The following GALNT13 variants were observed in gnomAD, a reference collection of about 807,000 sequenced individuals.
The protein encoded by GALNT13 is polypeptide N-acetylgalactosaminyltransferase 13, also known as UDP-GalNAc:polypeptide N-acetylgalactosaminyltransferase 13.
Under a neutral mutation model 64.2 loss-of-function variants are expected in GALNT13, and 28 were observed. The ratio of observed to expected loss-of-function variants is 0.44; its 90% CI spans 0.32 to 0.60. GALNT13 has a LOEUF of 0.60. Among genes scored for constraint, GALNT13 ranks in the 20% least tolerant of loss-of-function variants. The pLI is 0.05. For synonymous variants in GALNT13, 214 were observed against 224.6 expected, an observed-to-expected ratio of 0.95 and a Z score of 0.42; for missense variants, 577 against 669.8, an observed-to-expected ratio of 0.86 and a Z score of 1.53.
intron 9 of GALNT13, among the ~76,000 whole-genome samples, chr2:154,363,616 T>C (rs1697200923): frequency 6.6e-6 from 1 of 152,234 alleles, no homozygotes; most frequent in African/African-American, 2.4e-5. Flanking sequence ...GAAATGGTTA[T>C]GTCTATATGC....
At chr2:153,792,540 T>A in the GALNT13 span, among the ~76,000 whole-genome samples, 2 of 152,218 alleles carry the variant, frequency 1.3e-5, no homozygotes, top group Admixed American at 1.3e-4. Flanking sequence ...AATTATTTAA[T>A]TTGGGATTAT....
intron 2 of GALNT13, 88 bp from the exon 3 acceptor site, chr2:153,944,306 A>C (rs1209464570): frequency 2.0e-6 from 1 of 495,900 alleles, no homozygotes; most frequent in Non-Finnish European, 3.5e-6. Context: ...TGAGAACATT[A>C]AATAAGTCAT....
the GALNT13 span, among the ~76,000 whole-genome samples, chr2:153,743,928 G>T: frequency 4.6e-4 from 70 of 152,056 alleles, no homozygotes; most frequent in African/African-American, 1.7e-3. Context: ...AGGCCTGTTC[G>T]TCTTCCTGTG....
chr2:153,711,582 G>T, the GALNT13 span, among the ~76,000 whole-genome samples: 2 of 152,240 alleles, frequency 1.3e-5, no homozygotes, highest in Admixed American at 6.5e-5. Flanking sequence ...TGACATGAAA[G>T]CTGTGTATTC....
the GALNT13 span, among the ~76,000 whole-genome samples, chr2:153,630,399 CA>C: frequency 2.1e-5 from 3 of 145,250 alleles, no homozygotes; most frequent in East Asian, 4.2e-4. Flanking sequence ...TTCGCAAGGA[CA>C]AAAAAACAAA....
intron 4 of GALNT13, among the ~76,000 whole-genome samples, chr2:154,167,912 TGCAGTGTAAGA>T (rs1376838777): frequency 1.3e-5 from 2 of 152,106 alleles, no homozygotes; most frequent in East Asian, 3.9e-4. Flanking sequence ...CTTTTCAAAA[TGCAGTGTAAGA>T]GCCTGACCAG....
chr2:154,040,453 A>T (rs546419747), intron 3 of GALNT13, among the ~76,000 whole-genome samples: 1 of 140,658 alleles, frequency 7.1e-6, no homozygotes, highest in Non-Finnish European at 1.6e-5. Context: ...TTGAAATCAT[A>T]TTGTCTTGGT....
At chr2:153,515,613 T>C in the GALNT13 span, among the ~76,000 whole-genome samples, 2 of 152,170 alleles carry the variant, frequency 1.3e-5, no homozygotes, top group Admixed American at 6.5e-5. Context: ...AGCTTGGCGA[T>C]TGACATGCAG....
the GALNT13 span, among the ~76,000 whole-genome samples, chr2:153,726,777 A>G: frequency 1.3e-5 from 2 of 151,928 alleles, no homozygotes. Context: ...TGTCTCTCCT[A>G]AAAATACAAA....
intron 3 of GALNT13, among the ~76,000 whole-genome samples, chr2:154,095,215 A>C (rs932814226): frequency 2.0e-5 from 3 of 151,864 alleles, no homozygotes; most frequent in Non-Finnish European, 4.4e-5. Flanking sequence ...CTTCTGCATA[A>C]TTCCTTCAGG....
the GALNT13 span, among the ~76,000 whole-genome samples, chr2:153,089,909 C>A: frequency 1.9e-4 from 29 of 152,200 alleles, no homozygotes; most frequent in Admixed American, 1.6e-3. Flanking sequence ...ATCTTAATAA[C>A]CAACCTTCTG....
the GALNT13 span, among the ~76,000 whole-genome samples, chr2:153,695,218 T>C: frequency 2.6e-5 from 4 of 152,178 alleles, no homozygotes; most frequent in Admixed American, 2.6e-4. Context: ...TGTAGGCATG[T>C]GTCAAAATTC....
At chr2:153,608,904 A>T in the GALNT13 span, among the ~76,000 whole-genome samples, 2 of 145,042 alleles carry the variant, frequency 1.4e-5, no homozygotes, top group South Asian at 2.2e-4. Flanking sequence ...CTAGAGTACA[A>T]TTTTTTTTAC....
At chr2:153,873,554 T>C (rs1447811848) in intron 1 of GALNT13, among the ~76,000 whole-genome samples, 2 of 152,176 alleles carry the variant, frequency 1.3e-5, no homozygotes, top group East Asian at 3.9e-4. Flanking sequence ...GGAGCTTTCT[T>C]CAGGCAAAGG....
chr2:153,191,966 T>C, the GALNT13 span, among the ~76,000 whole-genome samples: 4 of 152,020 alleles, frequency 2.6e-5, no homozygotes, highest in African/African-American at 9.6e-5. Flanking sequence ...ATTTTATGGG[T>C]GGTTTATTGA....
At chr2:154,225,160 T>TGATAGATGATTAGATA (rs1553499133) in intron 4 of GALNT13, among the ~76,000 whole-genome samples, 1 of 137,906 alleles carries the variant, frequency 7.3e-6, no homozygotes, top group African/African-American at 2.8e-5. Flanking sequence ...GATAGATAGA[T>TGATAGATGATTAGATA]GATAGATAGA....
chr2:154,223,858 T>C (rs1169630497), intron 4 of GALNT13, among the ~76,000 whole-genome samples: 1 of 152,126 alleles, frequency 6.6e-6, no homozygotes, highest in African/African-American at 2.4e-5. Context: ...CATGATATTT[T>C]ATATTACATT....
chr2:153,161,196 G>A, the GALNT13 span, among the ~76,000 whole-genome samples: 1 of 152,198 alleles, frequency 6.6e-6, no homozygotes, highest in African/African-American at 2.4e-5. Flanking sequence ...CTGGACCAAA[G>A]GCTGTGCCTC....
chr2:153,092,540 T>C, the GALNT13 span, among the ~76,000 whole-genome samples: 30,027 of 152,080 alleles, frequency 0.2, 3,305 homozygotes, highest in Non-Finnish European at 0.25. Flanking sequence ...TAGTTTTTAT[T>C]ATAGAGATAT....
Sources: allele counts gnomAD v4.1 joint callset (sites outside exome capture counted in the v4.1 genomes callset), GRCh38; gene constraint gnomAD v4.1.1; transcripts MANE v1.5; gene names NCBI Gene and HGNC (gene_info 2026-07-23, HGNC 2026-07-21).